The following RANBP2 variants were observed in gnomAD, a reference collection of about 807,000 sequenced individuals.
RANBP2 encodes RAN binding protein 2.
RANBP2 carries 57 observed loss-of-function variants against 303.6 expected under a neutral mutation model. The observed-to-expected ratio is 0.19, with a 90% CI of 0.15 to 0.23. The LOEUF (loss-of-function observed/expected upper bound fraction) is 0.23. Among genes scored for constraint, RANBP2 ranks in the 10% least tolerant of loss-of-function variants. The pLI is 1.00. For synonymous variants in RANBP2, 1,167 were observed against 1,301.5 expected (o/e 0.90, Z 2.23); for missense variants, 3,138 against 3,780.8 (o/e 0.83, Z 4.46).
the RANBP2 span, chr2:109,552,734 T>G: frequency 5.1e-6 from 1 of 197,540 alleles, no homozygotes; most frequent in Admixed American, 6.0e-5. Context: ...CCACTGAGAC[T>G]GGTTGAATGA....
chr2:109,001,897 T>G, the RANBP2 span, among the ~76,000 whole-genome samples: 1 of 151,986 alleles, frequency 6.6e-6, no homozygotes, highest in African/African-American at 2.4e-5. Context: ...GCCTGGCTTT[T>G]TTTTTTGTAT....
the RANBP2 span, among the ~76,000 whole-genome samples, chr2:109,633,622 G>A: frequency 6.6e-6 from 1 of 152,078 alleles, no homozygotes; most frequent in African/African-American, 2.4e-5. Flanking sequence ...ACACAGCCCT[G>A]CAGAGCCACC....
chr2:108,893,136 G>A, the RANBP2 span, among the ~76,000 whole-genome samples: 86 of 152,208 alleles, frequency 5.7e-4, no homozygotes, highest in African/African-American at 2.0e-3. Context: ...TACATTCATG[G>A]CTCAAAATCA....
chr2:109,219,757 G>T, the RANBP2 span, among the ~76,000 whole-genome samples: 1 of 152,206 alleles, frequency 6.6e-6, no homozygotes, highest in African/African-American at 2.4e-5. Flanking sequence ...TTGGCACACT[G>T]AAAACTACAA....
chr2:109,540,563 G>T, the RANBP2 span, among the ~76,000 whole-genome samples: 1 of 151,850 alleles, frequency 6.6e-6, no homozygotes, highest in Non-Finnish European at 1.5e-5. Context: ...AATGGCTCAT[G>T]CCTGTAATTC....
At chr2:108,793,355 C>CA in the RANBP2 span, among the ~76,000 whole-genome samples, 1 of 151,780 alleles carries the variant, frequency 6.6e-6, no homozygotes, top group East Asian at 2.0e-4. Flanking sequence ...AAAACAACAA[C>CA]AAAAAAACAC....
the RANBP2 span, among the ~76,000 whole-genome samples, chr2:109,670,263 T>TGGG: frequency 8.6e-6 from 1 of 116,508 alleles, no homozygotes; most frequent in Admixed American, 9.9e-5. Context: ...TGCCCCATGG[T>TGGG]GGGGGACAGG....
chr2:109,240,471 A>G, the RANBP2 span, among the ~76,000 whole-genome samples: 1 of 152,158 alleles, frequency 6.6e-6, no homozygotes, highest in Admixed American at 6.5e-5. Flanking sequence ...CTGGGCGACA[A>G]ACAAAAAAAC....
chr2:109,080,176 T>C, the RANBP2 span, among the ~76,000 whole-genome samples: 1 of 152,012 alleles, frequency 6.6e-6, no homozygotes, highest in African/African-American at 2.4e-5. Flanking sequence ...TAATGGTTAA[T>C]CAAAAATGGG....
chr2:109,404,161 G>A, the RANBP2 span, among the ~76,000 whole-genome samples: 5 of 152,156 alleles, frequency 3.3e-5, no homozygotes, highest in Non-Finnish European at 5.9e-5. Flanking sequence ...ACTGCAGGAT[G>A]GGAAGGAGGG....
chr2:109,588,982 T>C, the RANBP2 span, among the ~76,000 whole-genome samples: 4 of 151,676 alleles, frequency 2.6e-5, no homozygotes, highest in East Asian at 7.8e-4. Flanking sequence ...ATGGCACATA[T>C]AGAAAATTAG....
At chr2:109,039,450 A>G in the RANBP2 span, among the ~76,000 whole-genome samples, 152 of 152,302 alleles carry the variant, frequency 1.0e-3, no homozygotes, top group African/African-American at 3.5e-3. Flanking sequence ...TCCTGGGTTC[A>G]AGCAATTCTC....
the RANBP2 span, chr2:109,432,816 C>T: frequency 2.9e-5 from 33 of 1,140,426 alleles, no homozygotes; most frequent in Admixed American, 4.7e-4. Context: ...CCCCCACTGG[C>T]GTCCCCAGGC....
the RANBP2 span, among the ~76,000 whole-genome samples, chr2:109,413,142 T>C: frequency 6.6e-6 from 1 of 152,212 alleles, no homozygotes; most frequent in African/African-American, 2.4e-5. Flanking sequence ...TGAGATAGAG[T>C]CTTGCTCTGT....
At chr2:109,488,077 G>A in the RANBP2 span, among the ~76,000 whole-genome samples, 14,887 of 152,224 alleles carry the variant, frequency 0.098, 1,189 homozygotes, top group Admixed American at 0.23. Flanking sequence ...CTGCCAGGAG[G>A]GGAGGAGCGG....
chr2:109,115,378 T>C, the RANBP2 span, among the ~76,000 whole-genome samples: 1 of 152,208 alleles, frequency 6.6e-6, no homozygotes, highest in Non-Finnish European at 1.5e-5. Context: ...CCTTTACCAT[T>C]ATGTAATGGC....
At chr2:109,223,501 G>A in the RANBP2 span, among the ~76,000 whole-genome samples, 22 of 152,344 alleles carry the variant, frequency 1.4e-4, no homozygotes, top group East Asian at 4.3e-3. Flanking sequence ...TCCTAGGTCA[G>A]TGGCTGGAAA....
the RANBP2 span, chr2:109,347,802 C>T: frequency 5.2e-4 from 844 of 1,613,960 alleles, 4 homozygotes; most frequent in African/African-American, 8.0e-3. Flanking sequence ...GGTACCACGG[C>T]GAGCTGCACG....
chr2:108,823,979 GAA>G, the RANBP2 span, among the ~76,000 whole-genome samples: 5 of 146,828 alleles, frequency 3.4e-5, no homozygotes, highest in Admixed American at 2.7e-4. Flanking sequence ...TGTCTCAAAA[GAA>G]AAAAAAGGGA....
Sources: gnomAD v4.1 joint callset for allele counts (sites outside exome capture counted in the v4.1 genomes callset) on GRCh38, gnomAD v4.1.1 for gene constraint, MANE v1.5 for transcripts, NCBI Gene and HGNC (gene_info 2026-07-23, HGNC 2026-07-21) for gene names.